RIF1: variants seen among roughly 807,000 people sequenced by gnomAD.
The protein encoded by RIF1 is telomere-associated protein RIF1.
A neutral mutation model predicts 247.1 loss-of-function variants in RIF1; 45 were observed. The observed-to-expected ratio is 0.18, with a 90% CI of 0.14 to 0.23. The LOEUF (loss-of-function observed/expected upper bound fraction) is 0.23. Among genes scored for constraint, RIF1 ranks in the 10% least tolerant of loss-of-function variants. The pLI is 1.00. For missense variants in RIF1, 2,967 were observed against 2,862.5 expected (o/e 1.04, Z -0.83); for synonymous variants, 1,087 against 978.8 (o/e 1.11, Z -2.06).
In RIF1 at chr2:151,465,981, C is replaced by T; in HGVS notation, c.6461C>T (p.Ser2154Leu). 1.2e-6 allele frequency: 2 copies of T among 1,614,056 alleles called. No individual in the cohort carries two copies. The highest frequency in any genetic ancestry group is 1.7e-6 in the Non-Finnish European group (2 of 1,179,918). Residue 2154 changes from serine (S) to leucine (L), a missense_variant, in exon 30 of 36, where the codon TCA (serine) becomes TTA (leucine). By Grantham distance (145) the Ser-to-Leu change is moderately radical. Coordinates refer to ENST00000444746, the MANE Select transcript of RIF1 (RefSeq NM_018151.5). The part of the protein sequence containing the change: ...SPQKLRELDP[S>L]LVSANDSPSG... ...CAAAAACTAAGGGAACTTGATCCTTCACTTGTGTCAGCAAATGACAGTCCT... is the reference window on the plus strand; with the variant it reads ...CAAAAACTAAGGGAACTTGATCCTTTACTTGTGTCAGCAAATGACAGTCCT...
chr2:151,444,449 A>G (rs1208275789), intron 18 of RIF1, among the ~76,000 whole-genome samples: 2 of 152,184 alleles, frequency 1.3e-5, no homozygotes, highest in Non-Finnish European at 2.9e-5. Context: ...GGCTGGGACT[A>G]CAGGTGCACG....
downstream of RIF1, among the ~76,000 whole-genome samples, chr2:151,511,244 T>A (rs2074022821): frequency 6.6e-6 from 1 of 152,212 alleles, no homozygotes; most frequent in African/African-American, 2.4e-5. Context: ...CCATATCATT[T>A]TGGTAGTTTT....
chr2:151,519,834 T>A, the RIF1 span: 4 of 1,057,950 alleles, frequency 3.8e-6, no homozygotes, highest in African/African-American at 6.2e-5. Context: ...TGGGGAATAG[T>A]AGAAACACAA....
chr2:151,409,959 TG>T lies in RIF1; in HGVS notation c.-82del, dbSNP rs1685852531. 1 of 701,470 alleles carries T rather than the reference TG, an allele frequency of 1.4e-6. No homozygotes were observed. The highest frequency in any genetic ancestry group is 2.6e-6 in the Non-Finnish European group (1 of 384,516). The allele number at this position is 701,470 out of a possible 1,614,324, so 43.5% of individuals were successfully genotyped here. A position where few individuals can be genotyped will look rare whatever the true frequency, so the allele number is the denominator to read the frequency against. The stretch of plus-strand genomic sequence containing the variant: ...GCACGCGTGAGTAAACAGCCGGAGC[TG>T]GGAAAGTCGAGCTCTGGCAGCGTCT... On this transcript the variant is annotated 5_prime_UTR_variant, in exon 1 of 36. Transcript: ENST00000444746.
In RIF1 at chr2:151,469,833, A is replaced by G. The variant is rs746087867; in HGVS notation, c.7064A>G (p.Lys2355Arg). 1 of 1,610,624 alleles carries G rather than the reference A, an allele frequency of 6.2e-7. No individual in the cohort carries two copies. Among genetic ancestry groups the G allele is most frequent in the Admixed American group, 1.7e-5 (1 of 59,590 alleles). Residue 2355 changes from lysine (K) to arginine (R), a missense_variant, in exon 34 of 36, where the codon AAA becomes AGA. Physicochemically the swap from Lys to Arg is conservative, Grantham distance 26 (BLOSUM62 2). Transcript: ENST00000444746. ...CGTTCTCCAAAAGTGTCCAATGTAAAAAAGGCTCTCAGAATATATCATGAG... is the reference window on the plus strand; with the variant it reads ...CGTTCTCCAAAAGTGTCCAATGTAAGAAAGGCTCTCAGAATATATCATGAG... ...PIRSPKVSNV[K>R]KALRIYHEQQ...
chr2:151,520,004 G>A, the RIF1 span: 3 of 315,460 alleles, frequency 9.5e-6, no homozygotes, highest in Non-Finnish European at 1.7e-5. Context: ...ATTATTCCAA[G>A]GTATAAAAAG....
chr2:151,414,253 T>C (rs552514735), intron 3 of RIF1, among the ~76,000 whole-genome samples: 1 of 151,204 alleles, frequency 6.6e-6, no homozygotes, highest in South Asian at 2.1e-4. Context: ...ACCATTGCAC[T>C]CCAGCCTGGG....
intron 9 of RIF1, among the ~76,000 whole-genome samples, chr2:151,430,780 A>G (rs1040854064): frequency 1.4e-5 from 2 of 145,102 alleles, no homozygotes; most frequent in Non-Finnish European, 3.0e-5. Context: ...AGCCCCCCCA[A>G]GTAGCTGGGA....
At chr2:151,423,125 C>G in intron 8 of RIF1, 83 bp downstream of exon 8, 1 of 751,888 alleles carries the variant, frequency 1.3e-6, no homozygotes, top group East Asian at 2.7e-5. Context: ...ACAGTTGATG[C>G]TCATTATTTC....
intron 9 of RIF1, among the ~76,000 whole-genome samples, chr2:151,429,254 C>T (rs1309197199): frequency 6.6e-6 from 1 of 151,938 alleles, no homozygotes; most frequent in Non-Finnish European, 1.5e-5. Flanking sequence ...GATCTTGGTT[C>T]ACTGCGACCC....
At chr2:151,473,820 A>G in intron 34 of RIF1, 144 bp from the exon 35 acceptor site, 1 of 637,250 alleles carries the variant, frequency 1.6e-6, no homozygotes, top group Non-Finnish European at 2.8e-6. Flanking sequence ...TCTTAGCAGT[A>G]TTAGCTCTTA....
chr2:151,422,915 A>C (rs757744978), intron 7 of RIF1, 35 bp from the exon 8 acceptor site: 1 of 1,101,444 alleles, frequency 9.1e-7, no homozygotes, highest in South Asian at 1.3e-5. Context: ...TTTTTCTAAG[A>C]GTCTGTTTGG....
At position 151,473,003 on chromosome 2, in the gene RIF1, G is replaced by C. The variant is rs150270123; in HGVS notation, c.7096-961G>C. Among the ~76,000 whole-genome samples, 217 of 152,140 alleles carry C rather than the reference G, an allele frequency of 1.4e-3. 2 individuals are homozygous for C. In the East Asian group the frequency reaches 0.037, roughly 26 times the overall value. Reference sequence around the variant, plus strand: ...TCGGCTGTGAATTCATCTGGTCCTGGACTTTTTTTGGTTGAATAATATGCA... The same window carrying C: ...TCGGCTGTGAATTCATCTGGTCCTGCACTTTTTTTGGTTGAATAATATGCA... On this transcript the variant is annotated intron_variant, in intron 34 of 35. Transcript: ENST00000444746.
At chr2:151,529,091 C>A in the RIF1 span, 9 of 726,880 alleles carry the variant, frequency 1.2e-5, no homozygotes, top group South Asian at 1.4e-4. Flanking sequence ...TGGGGCCTGA[C>A]TCTTGCTTTG....
chr2:151,413,202 T>C (rs550391093), intron 3 of RIF1, among the ~76,000 whole-genome samples: 10 of 152,166 alleles, frequency 6.6e-5, no homozygotes, highest in African/African-American at 2.2e-4. Flanking sequence ...ACTTTTTTTT[T>C]TGTATTTTTA....
chr2:151,465,303 A>G lies in RIF1; in HGVS notation c.5783A>G (p.His1928Arg). The G allele has an allele frequency of 6.2e-7, 1 of 1,612,926 alleles. No individual in the cohort carries two copies. ...AATGTAGGAAATGAAGCTAGCTTTCATGGACAAGAGAGAACCAAAACTGGT... is the reference window on the plus strand; with the variant it reads ...AATGTAGGAAATGAAGCTAGCTTTCGTGGACAAGAGAGAACCAAAACTGGT... ...ELNVGNEASF[H>R]GQERTKTGIS... The change falls in exon 30 of 36, where the codon CAT becomes CGT. Residue 1928 changes from histidine to arginine, a missense_variant. Coordinates refer to ENST00000444746, the MANE Select transcript of RIF1 (RefSeq NM_018151.5).
the RIF1 span, chr2:151,518,324 C>T: frequency 1.3e-6 from 2 of 1,599,160 alleles, no homozygotes; most frequent in South Asian, 2.2e-5. Context: ...TTACTATACT[C>T]TGTAATTCTG....
chr2:151,457,049 A>T (rs576602335), intron 23 of RIF1, among the ~76,000 whole-genome samples: 260 of 151,746 alleles, frequency 1.7e-3, no homozygotes, highest in African/African-American at 5.6e-3. Flanking sequence ...TTCATTTTTA[A>T]TGGACATTTA....
the RIF1 span, chr2:151,530,747 G>A: frequency 8.0e-6 from 3 of 373,174 alleles, no homozygotes; most frequent in African/African-American, 2.1e-5. Flanking sequence ...GCTAGCCATG[G>A]GAGTGAGCCA....
Sources: gnomAD v4.1 joint callset for allele counts (sites outside exome capture counted in the v4.1 genomes callset) on GRCh38, gnomAD v4.1.1 for gene constraint, MANE v1.5 for transcripts, NCBI Gene and HGNC (gene_info 2026-07-23, HGNC 2026-07-21) for gene names.